The following CDH23 variants were observed in gnomAD, a reference collection of about 807,000 sequenced individuals.
CDH23 encodes the protein cadherin-23.
In CDH23, 189 loss-of-function variants were observed where a neutral mutation model predicts 317.1. The observed-to-expected ratio is 0.60, with a 90% CI of 0.53 to 0.67. The LOEUF is 0.67. Ranked by LOEUF, CDH23 falls within the 30% of genes least tolerant of loss-of-function variation. The pLI is 0.00. For missense variants in CDH23, 4,401 were observed against 4,592.4 expected, an observed-to-expected ratio of 0.96 and a Z score of 1.20; for synonymous variants, 1,839 against 1,876.8, an observed-to-expected ratio of 0.98 and a Z score of 0.52.
Position 71,789,039 on chromosome 10 carries a change from G to A in CDH23, c.5920G>A (p.Ala1974Thr), listed in dbSNP as rs1019788678. 7 of 1,492,252 alleles carry A rather than the reference G, an allele frequency of 4.7e-6. No individual in the cohort carries two copies. The highest frequency in any genetic ancestry group is 4.5e-5 in the East Asian group (2 of 44,266). The allele number at this position is 1,492,252 out of a possible 1,614,324, so 92.4% of individuals were successfully genotyped here. ...YQAEVMENSP[A>T]GTPLTVLNGP... Reference sequence around the variant, plus strand: ...GGCAGAGGTGATGGAAAACTCTCCCGCTGGTAGGTGCTGGGCCCACCCGGG... The same window carrying A: ...GGCAGAGGTGATGGAAAACTCTCCCACTGGTAGGTGCTGGGCCCACCCGGG... Residue 1974 changes from alanine (A) to threonine (T), a missense_variant, in exon 45 of 70, where the codon GCT (alanine) becomes ACT (threonine). This residue lies in a region of CDH23 where 3,068 missense variants were observed against 3,203.3 expected (regional missense o/e 0.96). Coordinates refer to ENST00000224721, the MANE Select transcript of CDH23 (RefSeq NM_022124.6).
intron 32 of CDH23, chr10:71,732,816 A>G: frequency 1.7e-6 from 1 of 587,878 alleles, no homozygotes; most frequent in African/African-American, 2.0e-5. Flanking sequence ...GTTTTCCCCC[A>G]TTATCGGCAA....
At chr10:71,718,083 C>A (rs2132779028) in intron 28 of CDH23, among the ~76,000 whole-genome samples, 1 of 152,238 alleles carries the variant, frequency 6.6e-6, no homozygotes, top group Admixed American at 6.5e-5. Flanking sequence ...GGGGTCTTTC[C>A]TTTTCATGAG....
At chr10:71,444,966 G>A (rs1392910549) in intron 2 of CDH23, among the ~76,000 whole-genome samples, 1 of 152,164 alleles carries the variant, frequency 6.6e-6, no homozygotes, top group Non-Finnish European at 1.5e-5. Context: ...CCTACTGAAG[G>A]CCCCTAAGAG....
intron 9 of CDH23, among the ~76,000 whole-genome samples, chr10:71,579,262 C>T (rs773810528): frequency 3.3e-5 from 5 of 152,058 alleles, no homozygotes; most frequent in Non-Finnish European, 5.9e-5. Flanking sequence ...CCCTGGGACC[C>T]GCAGCTGCTG....
intron 6 of CDH23, among the ~76,000 whole-genome samples, chr10:71,561,038 CCTT>C (rs1227038225): frequency 6.7e-6 from 1 of 148,568 alleles, no homozygotes; most frequent in Non-Finnish European, 1.5e-5. Context: ...GGTGTGGCGT[CCTT>C]CTTTTCTCTC....
chr10:71,586,739 A>C (rs192949519), intron 9 of CDH23, among the ~76,000 whole-genome samples: 1 of 152,204 alleles, frequency 6.6e-6, no homozygotes, highest in East Asian at 1.9e-4. Context: ...CAAATATCTT[A>C]TCGCATATAT....
At chr10:71,643,560 C>T (rs1192892297) in intron 11 of CDH23, among the ~76,000 whole-genome samples, 2 of 37,612 alleles carry the variant, frequency 5.3e-5, no homozygotes, top group Admixed American at 4.6e-4. Context: ...GGAGCCCTTG[C>T]CCCCCCCTCA....
rs1289275928 is a variant in CDH23, at chr10:71,805,976, C to G, written c.8043C>G (p.Arg2681=). The G allele has an allele frequency of 1.3e-6, 2 of 1,594,576 alleles. No individual in the cohort carries two copies. The highest frequency in any genetic ancestry group is 3.4e-5 in the Admixed American group (2 of 59,104). Reference sequence around the variant, plus strand: ...TCCAGACTGCTCAGCGCCTGGACCGCGAGTCGCAGGCGGTGTACAGCGTAA... The same window carrying G: ...TCCAGACTGCTCAGCGCCTGGACCGGGAGTCGCAGGCGGTGTACAGCGTAA... ...GLIQTAQRLD[R]ESQAVYSLIL... Residue 2681 remains arginine (R), a synonymous_variant, in exon 56 of 70, where the codon CGC becomes CGG. Coordinates refer to ENST00000224721, the MANE Select transcript of CDH23 (RefSeq NM_022124.6).
intron 14 of CDH23, among the ~76,000 whole-genome samples, chr10:71,669,256 G>A (rs116299152): frequency 0.016 from 2,467 of 152,246 alleles, 71 homozygotes; most frequent in African/African-American, 0.057. Flanking sequence ...TTCTAGGTGC[G>A]CAGCCGATGA....
chr10:71,472,225 G>T (rs912420825), intron 3 of CDH23, among the ~76,000 whole-genome samples: 1 of 152,222 alleles, frequency 6.6e-6, no homozygotes, highest in African/African-American at 2.4e-5. Context: ...AGACTGGATG[G>T]TGGGAGGAAG....
chr10:71,448,304 GCT>G (rs1360846253), intron 3 of CDH23, among the ~76,000 whole-genome samples: 1 of 152,236 alleles, frequency 6.6e-6, no homozygotes, highest in Non-Finnish European at 1.5e-5. Flanking sequence ...TTCAGCTCTG[GCT>G]CTTGATTGTC....
chr10:71,487,848 C>T (rs938599329), intron 3 of CDH23, among the ~76,000 whole-genome samples: 27 of 152,204 alleles, frequency 1.8e-4, no homozygotes, highest in Middle Eastern at 3.2e-3. Context: ...TCACCTCTCT[C>T]CTTCTCCCAC....
At chr10:71,507,792 T>C (rs1232280796) in intron 3 of CDH23, among the ~76,000 whole-genome samples, 3 of 152,242 alleles carry the variant, frequency 2.0e-5, no homozygotes, top group Non-Finnish European at 4.4e-5. Flanking sequence ...TGCAAACGCT[T>C]TGGAAAGATG....
chr10:71,444,134 G>A (rs1850041453), intron 2 of CDH23, among the ~76,000 whole-genome samples: 1 of 152,256 alleles, frequency 6.6e-6, no homozygotes, highest in Admixed American at 6.5e-5. Context: ...GCCCCCAGCA[G>A]GGATCAAAAG....
intron 2 of CDH23, among the ~76,000 whole-genome samples, chr10:71,440,576 G>C (rs2132007214): frequency 6.6e-6 from 1 of 152,332 alleles, no homozygotes; most frequent in South Asian, 2.1e-4. Context: ...TCTGAGCAAA[G>C]CTATGGCAGC....
chr10:71,403,326 CCTTT>C (rs201389920), intron 1 of CDH23, among the ~76,000 whole-genome samples: 1,456 of 59,994 alleles, frequency 0.024, 24 homozygotes, highest in Middle Eastern at 0.042. Context: ...TTCCTTCCTT[CCTTT>C]CTTTCTTTCT....
intron 6 of CDH23, among the ~76,000 whole-genome samples, chr10:71,555,796 A>G (rs1856844502): frequency 6.6e-6 from 1 of 152,118 alleles, no homozygotes; most frequent in Non-Finnish European, 1.5e-5. Flanking sequence ...CTTGAAAGTC[A>G]AGCTCCTGAG....
intron 38 of CDH23, chr10:71,750,905 G>A (rs906821418): frequency 1.7e-5 from 4 of 229,828 alleles, no homozygotes; most frequent in Non-Finnish European, 3.4e-5. Flanking sequence ...CACTGATGCT[G>A]CCACATCCCA....
intron 7 of CDH23, 25 bp from the exon 8 acceptor site, chr10:71,570,765 C>T: frequency 3.2e-6 from 5 of 1,586,704 alleles, no homozygotes; most frequent in Non-Finnish European, 4.3e-6. Flanking sequence ...CAACCTAAGG[C>T]TGTGTGTTCT....
Sources: allele counts gnomAD v4.1 joint callset (sites outside exome capture counted in the v4.1 genomes callset), GRCh38; gene constraint gnomAD v4.1.1; regional missense constraint gnomAD v4.1.1; transcripts MANE v1.5; gene names NCBI Gene and HGNC (gene_info 2026-07-23, HGNC 2026-07-21).